Variants in DPYD observed in about 807,000 individuals in gnomAD.
DPYD encodes dihydropyrimidine dehydrogenase.
A neutral mutation model predicts 116.2 loss-of-function variants in DPYD; 109 were observed. The observed-to-expected ratio is 0.94, with a 90% CI of 0.80 to 1.10. DPYD has a LOEUF of 1.10. Ranked by LOEUF, DPYD falls within the 50% of genes least tolerant of loss-of-function variation. The pLI is 0.00. For missense variants in DPYD, 1,302 were observed against 1,254.5 expected, an observed-to-expected ratio of 1.04 and a Z score of -0.57; for synonymous variants, 440 against 432.0, an observed-to-expected ratio of 1.02 and a Z score of -0.23.
intron 18 of DPYD, among the ~76,000 whole-genome samples, chr1:97,272,773 T>G (rs977810997): frequency 8.5e-5 from 13 of 152,090 alleles, no homozygotes; most frequent in African/African-American, 3.1e-4. Flanking sequence ...TTCATATCTT[T>G]CTGATGGAAC....
chr1:97,593,014 A>C lies in DPYD; in HGVS notation c.1128+204T>G, dbSNP rs2102251488. Among the ~76,000 whole-genome samples the C allele has an allele frequency of 2.0e-5, 3 of 152,312 alleles. No homozygotes were observed. In the South Asian group the frequency reaches 6.2e-4, roughly 32 times the overall value. ...AGCCCTTGAGTATTGACAAAGATTA[A>C]ATTTCTCATTTTACCCAAATCAGTA... On this transcript the variant is annotated intron_variant, in intron 10 of 22. Transcript: ENST00000370192.
At chr1:97,870,110 C>A (rs899107111) in intron 2 of DPYD, among the ~76,000 whole-genome samples, 1 of 151,780 alleles carries the variant, frequency 6.6e-6, no homozygotes, top group African/African-American at 2.4e-5. Flanking sequence ...ATTCAATTTG[C>A]AAATGCTGAA....
intron 3 of DPYD, among the ~76,000 whole-genome samples, chr1:97,785,681 CTTTTTTTTTTTTTTTTTT>C (rs35229030): frequency 3.2e-5 from 2 of 62,540 alleles, no homozygotes; most frequent in African/African-American, 1.4e-4. Context: ...GCCACTGACT[CTTTTTTTTTTTTTTTTTT>C]TTTTTTTTTT....
chr1:97,873,624 T>C (rs1009799900), intron 2 of DPYD, among the ~76,000 whole-genome samples: 2 of 146,232 alleles, frequency 1.4e-5, no homozygotes, highest in African/African-American at 5.1e-5. Context: ...GCAATTCACT[T>C]ATCTTCACCA....
intron 9 of DPYD, 29 bp downstream of exon 9, chr1:97,595,030 T>C: frequency 1.4e-6 from 2 of 1,476,634 alleles, no homozygotes; most frequent in Non-Finnish European, 1.9e-6. Context: ...GCATACTCAC[T>C]ATTAAGCATA....
chr1:97,402,448 A>ATTTG (rs1673428639), intron 14 of DPYD, among the ~76,000 whole-genome samples: 2 of 152,168 alleles, frequency 1.3e-5, no homozygotes, highest in Admixed American at 1.3e-4. Context: ...AAATCAAATG[A>ATTTG]CTTTTGTATA....
chr1:97,721,422 T>G, intron 5 of DPYD, 88 bp downstream of exon 5: 1 of 1,510,890 alleles, frequency 6.6e-7, no homozygotes, highest in Non-Finnish European at 9.1e-7. Flanking sequence ...ATGTTGGGTA[T>G]CAACAGAGCA....
chr1:97,915,931 T>C (rs1674189243), intron 1 of DPYD, among the ~76,000 whole-genome samples: 1 of 152,184 alleles, frequency 6.6e-6, no homozygotes, highest in Non-Finnish European at 1.5e-5. Context: ...TGTCTTCTAG[T>C]TTTAGTGTTC....
chr1:97,753,934 G>A (rs1223487839), intron 3 of DPYD, among the ~76,000 whole-genome samples: 2 of 151,960 alleles, frequency 1.3e-5, no homozygotes, highest in African/African-American at 4.8e-5. Flanking sequence ...TGACATAAAA[G>A]TAGCTCAGAA....
rs568201579 is a variant in DPYD at position 97,159,878 on chromosome 1, G to A, written c.2622+33191C>T. Among the ~76,000 whole-genome samples, 7 of 151,928 alleles carry A rather than the reference G, an allele frequency of 4.6e-5. No homozygotes were observed. The South Asian group carries it at 6.2e-4, about 14-fold the overall frequency. On this transcript the variant is annotated intron_variant, in intron 20 of 22. Coordinates refer to ENST00000370192, the MANE Select transcript of DPYD (RefSeq NM_000110.4). ...CATATGATTATTCAGTTACTATGCCGCTAAATAAATCCTATGATTTCATCT... is the reference window on the plus strand; with the variant it reads ...CATATGATTATTCAGTTACTATGCCACTAAATAAATCCTATGATTTCATCT...
At chr1:97,570,955 G>C (rs368032240) in intron 11 of DPYD, among the ~76,000 whole-genome samples, 5 of 151,836 alleles carry the variant, frequency 3.3e-5, no homozygotes, top group African/African-American at 1.2e-4. Flanking sequence ...GGTCTTCTGC[G>C]AAATGGGGAG....
At chr1:97,414,568 T>C (rs183618020) in intron 14 of DPYD, among the ~76,000 whole-genome samples, 14 of 152,360 alleles carry the variant, frequency 9.2e-5, no homozygotes, top group African/African-American at 2.9e-4. Context: ...TTTTTAACTA[T>C]AAATGTAGGA....
chr1:97,171,731 G>A (rs1056402935), intron 20 of DPYD, among the ~76,000 whole-genome samples: 2 of 152,138 alleles, frequency 1.3e-5, no homozygotes, highest in African/African-American at 4.8e-5. Flanking sequence ...AATTTGTATT[G>A]TCATTATCAT....
At chr1:97,567,806 G>C (rs897382642) in intron 11 of DPYD, among the ~76,000 whole-genome samples, 8 of 152,030 alleles carry the variant, frequency 5.3e-5, no homozygotes, top group African/African-American at 1.7e-4. Context: ...CTAAGAGGAA[G>C]AACAAAAGTC....
At chr1:97,895,358 T>G (rs1239695537) in intron 1 of DPYD, among the ~76,000 whole-genome samples, 1 of 151,798 alleles carries the variant, frequency 6.6e-6, no homozygotes, top group Non-Finnish European at 1.5e-5. Context: ...ATAGAGATGC[T>G]GGAAAACAGG....
intron 8 of DPYD, among the ~76,000 whole-genome samples, chr1:97,667,672 T>C (rs889506103): frequency 6.6e-6 from 1 of 152,080 alleles, no homozygotes; most frequent in Non-Finnish European, 1.5e-5. Context: ...CTCAAAAAGT[T>C]AAACAGAGTT....
chr1:97,437,369 T>C lies in DPYD; in HGVS notation c.1905+12690A>G, dbSNP rs1472573195. Among the ~76,000 whole-genome samples the C allele has an allele frequency of 5.3e-5, 8 of 151,930 alleles. No homozygotes were observed. In the East Asian group the frequency reaches 1.5e-3, roughly 29 times the overall value. On this transcript the variant is annotated intron_variant, in intron 14 of 22. Coordinates refer to ENST00000370192, the MANE Select transcript of DPYD (RefSeq NM_000110.4). ...TGAGATTAATCCATTTTGTTGTGTG[T>C]ATAATAGTTCATTCTTTTTATTGCT...
chr1:97,273,118 T>C (rs1246877676), intron 18 of DPYD, among the ~76,000 whole-genome samples: 1 of 152,156 alleles, frequency 6.6e-6, no homozygotes, highest in African/African-American at 2.4e-5. Flanking sequence ...CAAATAGTTA[T>C]TTCAAACAAC....
At chr1:97,337,173 T>C (rs562562845) in intron 16 of DPYD, among the ~76,000 whole-genome samples, 1 of 152,230 alleles carries the variant, frequency 6.6e-6, no homozygotes, top group Non-Finnish European at 1.5e-5. Context: ...AGAATGGGAA[T>C]GGACCATGAA....
Sources: allele counts gnomAD v4.1 joint callset (sites outside exome capture counted in the v4.1 genomes callset), GRCh38; gene constraint gnomAD v4.1.1; transcripts MANE v1.5; gene names NCBI Gene and HGNC (gene_info 2026-07-23, HGNC 2026-07-21).